DIDO1: variants seen among roughly 807,000 people sequenced by gnomAD.
DIDO1 encodes death-inducer obliterator 1.
Under a neutral mutation model 99.4 loss-of-function variants are expected in DIDO1, and 16 were observed. The observed-to-expected ratio is 0.16, with a 90% CI of 0.11 to 0.24. DIDO1 has a LOEUF of 0.24. Ranked by LOEUF, DIDO1 falls within the 10% of genes least tolerant of loss-of-function variation. The pLI is 1.00. For synonymous variants in DIDO1, 1,366 were observed against 1,239.1 expected, an observed-to-expected ratio of 1.10 and a Z score of -2.15; for missense variants, 2,996 against 3,014.0, an observed-to-expected ratio of 0.99 and a Z score of 0.14.
chr20:62,888,468 C>T (rs2064334293), intron 15 of DIDO1: 3 of 985,366 alleles, frequency 3.0e-6, no homozygotes, highest in South Asian at 4.7e-5. Context: ...TCCTGCAGAC[C>T]CTCACCCAGC....
At position 62,910,958 on chromosome 20, in the gene DIDO1, G is replaced by A; in HGVS notation, c.655C>T (p.Pro219Ser). The A allele has an allele frequency of 6.2e-7, 1 of 1,614,002 alleles. No homozygotes were observed. The highest frequency in any genetic ancestry group is 1.1e-5 in the South Asian group (1 of 91,068). Residue 219 changes from proline (P) to serine (S), a missense_variant, in exon 3 of 16, where the codon CCC (proline) becomes TCC (serine). By Grantham distance (74) the Pro-to-Ser change is moderately conservative. Coordinates refer to ENST00000395343, the MANE Select transcript of DIDO1 (RefSeq NM_001193369.2). ...VEGVLPSKQE[P>S]ENDQGVVSQA... ...GACACAACCCCCTGATCGTTCTCGGGCTCCTGCTTACTGGGCAGGACGCCC... is the reference window on the plus strand; with the variant it reads ...GACACAACCCCCTGATCGTTCTCGGACTCCTGCTTACTGGGCAGGACGCCC...
rs370954727 is a variant in DIDO1 at position 62,879,935 on chromosome 20, C to T, written c.6021G>A (p.Ser2007=). Residue 2007 remains serine, a synonymous_variant, in exon 16 of 16, where the codon TCG becomes TCA. Coordinates refer to ENST00000395343, the MANE Select transcript of DIDO1 (RefSeq NM_001193369.2). This position sits in a 1 kb window ranked among gnomAD's most constrained non-coding sequence, Gnocchi z 6.3. ...GGGCCTGGCCCTGGAAGTGAAATCG[C>T]GAAGGGGTCTGCTCATTTTTTTCAG... ...PFSEKNEQTP[S]RFHFQGQAPQ... is the part of the protein sequence containing the mutation. 2.9e-5 allele frequency: 47 copies of T among 1,599,080 alleles called. No homozygotes were observed. Among genetic ancestry groups the T allele is most frequent in the Non-Finnish European group, 3.8e-5 (45 of 1,174,498 alleles).
At chr20:62,923,943 C>T (rs1367122886) in intron 1 of DIDO1, among the ~76,000 whole-genome samples, 4 of 152,150 alleles carry the variant, frequency 2.6e-5, no homozygotes, top group African/African-American at 9.7e-5. Context: ...TGTACAATTA[C>T]CTATTCAACT....
rs1432426932 is a variant in DIDO1 at position 62,892,997 on chromosome 20, C to T, written c.3102-35G>A. The T allele has an allele frequency of 3.2e-6, 5 of 1,577,428 alleles. No individual in the cohort carries two copies. The South Asian group carries it at 5.8e-5, about 18-fold the overall frequency. On this transcript the variant is annotated intron_variant, in intron 12 of 15. Transcript: ENST00000395343. ...AAAACCATAAAAAAAAAGTCAATGT[C>T]TCTCTGTGCAATGAGAATTTCAAAA...
chr20:62,880,602 T>C lies in DIDO1; in HGVS notation c.5354A>G (p.Asn1785Ser). The stretch of plus-strand genomic sequence containing the variant: ...TCGTGGCCCATCGTTAGAAGCGATA[T>C]TCTCTTCTGGAAACGGAGGGGCTGG... ...RGPAPPFPEE[N>S]IASNDGPRGP... The change falls in exon 16 of 16, where the codon AAT (asparagine) becomes AGT (serine). Residue 1785 changes from asparagine (N) to serine (S), a missense_variant. Around this residue, in one of 5 missense-constraint regions of DIDO1, gnomAD observed 1,562 missense variants for 1,412.6 expected, o/e 1.11. Transcript: ENST00000395343. 2 of 1,612,892 alleles carry C rather than the reference T, an allele frequency of 1.2e-6. No homozygotes were observed. The highest frequency in any genetic ancestry group is 1.6e-4 in the Middle Eastern group (1 of 6,062).
At position 62,881,738 on chromosome 20, in the gene DIDO1, C is replaced by T. The variant is rs2064210680; in HGVS notation, c.4218G>A (p.Arg1406=). The T allele has an allele frequency of 2.5e-6, 4 of 1,613,076 alleles. No individual in the cohort carries two copies. The highest frequency in any genetic ancestry group is 3.4e-6 in the Non-Finnish European group (4 of 1,180,030). Residue 1406 remains arginine, a synonymous_variant, in exon 16 of 16, where the codon CGG becomes CGA. Coordinates refer to ENST00000395343, the MANE Select transcript of DIDO1 (RefSeq NM_001193369.2). This position sits in a 1 kb window ranked among gnomAD's most constrained non-coding sequence, Gnocchi z 8.3. ...AFDTQLVERG[R]RHEVERAPEA... ...CAGGAGCCCTTTCCACCTCGTGGCGCCGCCCTCGCTCCACAAGCTGAGTGT... is the reference window on the plus strand; with the variant it reads ...CAGGAGCCCTTTCCACCTCGTGGCGTCGCCCTCGCTCCACAAGCTGAGTGT...
intron 1 of DIDO1, among the ~76,000 whole-genome samples, chr20:62,923,610 C>G (rs2065197478): frequency 6.6e-6 from 1 of 152,248 alleles, no homozygotes; most frequent in Non-Finnish European, 1.5e-5. Context: ...TAGTGCAAAA[C>G]AGCTGTAACG....
chr20:62,933,453 G>A (rs939788359), intron 1 of DIDO1, among the ~76,000 whole-genome samples: 1 of 152,222 alleles, frequency 6.6e-6, no homozygotes, highest in Non-Finnish European at 1.5e-5. Context: ...AAAGCCTGAA[G>A]TCTCCAGTAT....
intron 1 of DIDO1, among the ~76,000 whole-genome samples, chr20:62,936,458 G>A (rs559228569): frequency 2.9e-4 from 44 of 152,200 alleles, no homozygotes; most frequent in African/African-American, 1.1e-3. Flanking sequence ...GGGAGGCTGA[G>A]GCAGGAGAAT....
At position 62,888,490 on chromosome 20, in the gene DIDO1, C is replaced by T. The variant is rs77834036; in HGVS notation, c.3541+2470G>A. On this transcript the variant is annotated intron_variant, in intron 15 of 15. Coordinates refer to ENST00000395343, the MANE Select transcript of DIDO1 (RefSeq NM_001193369.2). ...GACCCTCACCCAGCACTTCTGGGGG[C>T]GTGACTCCAAGCTGCGCAGCACACG... The T allele has an allele frequency of 4.0e-3, 3,935 of 985,506 alleles. 117 individuals carry two copies. In the African/African-American group the frequency reaches 0.062, roughly 15 times the overall value. 61.0% of individuals were successfully genotyped at this position (985,506 alleles called of 1,614,324 possible). A position where few individuals can be genotyped will look rare whatever the true frequency, so the allele number is the denominator to read the frequency against.
chr20:62,910,942 C>T lies in DIDO1; in HGVS notation c.671G>A (p.Gly224Glu). 6.2e-7 allele frequency: 1 copy of T among 1,614,194 alleles called. No individual in the cohort carries two copies. Among genetic ancestry groups the T allele is most frequent in the Non-Finnish European group, 8.5e-7 (1 of 1,180,034 alleles). ...PSKQEPENDQGVVSQAGKDDR... is the reference protein window; with the variant it reads ...PSKQEPENDQEVVSQAGKDDR... ...ATCTTTCCCAGCCTGGGACACAACC[C>T]CCTGATCGTTCTCGGGCTCCTGCTT... The change falls in exon 3 of 16, where the codon GGG (glycine) becomes GAG (glutamate). Residue 224 changes from glycine to glutamate, a missense_variant. By Grantham distance (98) the Gly-to-Glu change is moderately conservative. Coordinates refer to ENST00000395343, the MANE Select transcript of DIDO1 (RefSeq NM_001193369.2).
At chr20:62,902,669 G>A (rs921162768) in intron 6 of DIDO1, among the ~76,000 whole-genome samples, 4 of 152,132 alleles carry the variant, frequency 2.6e-5, no homozygotes, top group Admixed American at 6.5e-5. Flanking sequence ...GGTGTTCTCC[G>A]TCCATTTCAC....
Position 62,896,644 on chromosome 20 carries a change from T to G in DIDO1, c.1941A>C (p.Pro647=). ...AVRKPVVPSV[P]MASPAPGRLG... Reference sequence around the variant, plus strand: ...GGCGTCCTGGGGCTGGCGAGGCCATTGGAACAGAAGGTACCACTGGCTTCC... The same window carrying G: ...GGCGTCCTGGGGCTGGCGAGGCCATGGGAACAGAAGGTACCACTGGCTTCC... The change falls in exon 7 of 16, where the codon CCA becomes CCC. Residue 647 remains proline (P), a synonymous_variant. Transcript: ENST00000395343. This position sits in a 1 kb window ranked among gnomAD's most constrained non-coding sequence, Gnocchi z 4.4. 3 of 1,613,982 alleles carry G rather than the reference T, an allele frequency of 1.9e-6. No individual in the cohort carries two copies. In the South Asian group the frequency reaches 3.3e-5, roughly 18 times the overall value.
upstream of DIDO1, chr20:62,929,421 C>T (rs1360899065): frequency 2.6e-5 from 4 of 152,262 alleles, no homozygotes; most frequent in Non-Finnish European, 4.4e-5. Flanking sequence ...CCACAGGATT[C>T]TTGCAGACCT....
chr20:62,892,210 G>T, intron 13 of DIDO1, 134 bp from the exon 14 acceptor site: 1 of 749,132 alleles, frequency 1.3e-6, no homozygotes, highest in Non-Finnish European at 2.1e-6. Flanking sequence ...AGTCACACTT[G>T]TATTAAATGC....
intron 13 of DIDO1, 89 bp downstream of exon 13, chr20:62,892,720 G>A (rs543444421): frequency 3.7e-5 from 55 of 1,477,550 alleles, no homozygotes; most frequent in Admixed American, 2.5e-4. Context: ...CCTACCTCAT[G>A]AATTAAGGGA....
chr20:62,913,083 C>T (rs900177807), intron 2 of DIDO1, among the ~76,000 whole-genome samples: 1 of 152,190 alleles, frequency 6.6e-6, no homozygotes, highest in Non-Finnish European at 1.5e-5. Context: ...AACCTGTAAC[C>T]TGTGTTGTTC....
rs748524035 is a variant in DIDO1 at position 62,882,189 on chromosome 20, G to T, written c.3767C>A (p.Thr1256Lys). Residue 1256 changes from threonine (T) to lysine (K), a missense_variant, in exon 16 of 16, where the codon ACA becomes AAA. Physicochemically the swap from Thr to Lys is moderately conservative, Grantham distance 78. Around this residue, in one of 5 missense-constraint regions of DIDO1, gnomAD observed 1,562 missense variants for 1,412.6 expected, o/e 1.11. Coordinates refer to ENST00000395343, the MANE Select transcript of DIDO1 (RefSeq NM_001193369.2). Reference protein sequence around the residue: ...LCSADAAVSTTPPGSPPPPPP... With the variant: ...LCSADAAVSTKPPGSPPPPPP... ...CGGAGGCGGCGGCGACCCAGGAGGT[G>T]TGGTGCTGACAGCCGCGTCTGCAGA... is the stretch of plus-strand genomic sequence containing the variant. 1.2e-6 allele frequency: 2 copies of T among 1,613,602 alleles called. No homozygotes were observed. The highest frequency in any genetic ancestry group is 8.5e-7 in the Non-Finnish European group (1 of 1,180,028).
In DIDO1 at chr20:62,878,205, T is replaced by C. The variant is rs1249468120; in HGVS notation, c.*1028A>G. On this transcript the variant is annotated 3_prime_UTR_variant, in exon 16 of 16. Transcript: ENST00000395343. ...ATCAAAGTGTATTTGTACAAATAAA[T>C]TAGCCAGATTTTTTTACTTCACACT... 6.6e-6 allele frequency: 1 copy of C among 152,220 alleles called. No homozygotes were observed. Among genetic ancestry groups the C allele is most frequent in the Non-Finnish European group, 1.5e-5 (1 of 68,030 alleles). 9.4% of individuals were successfully genotyped at this position (152,220 alleles called of 1,614,324 possible).
Sources: allele counts gnomAD v4.1 joint callset (sites outside exome capture counted in the v4.1 genomes callset), GRCh38; gene constraint gnomAD v4.1.1; regional missense constraint gnomAD v4.1.1; non-coding constraint Gnocchi (gnomAD v3.1); transcripts MANE v1.5; gene names NCBI Gene and HGNC (gene_info 2026-07-23, HGNC 2026-07-21).